Variants in KCNQ5 observed in about 807,000 individuals in gnomAD.
KCNQ5 encodes potassium voltage-gated channel subfamily Q member 5, also known as potassium voltage-gated channel subfamily KQT member 5.
KCNQ5 carries 30 observed loss-of-function variants against 98.2 expected under a neutral mutation model. The observed-to-expected ratio is 0.31, with a 90% CI of 0.23 to 0.41. The LOEUF (loss-of-function observed/expected upper bound fraction) is 0.41. Among genes scored for constraint, KCNQ5 ranks in the 10% least tolerant of loss-of-function variants. KCNQ5 has a pLI of 1.00. For missense variants in KCNQ5, 835 were observed against 1,182.5 expected (o/e 0.71, Z 4.31); for synonymous variants, 458 against 449.4 (o/e 1.02, Z -0.24).
chr6:72,738,587 A>G (rs1770970509), intron 1 of KCNQ5, among the ~76,000 whole-genome samples: 1 of 152,076 alleles, frequency 6.6e-6, no homozygotes, highest in South Asian at 2.1e-4. Context: ...GTTATTTTCC[A>G]TGGTCAATTA....
intron 1 of KCNQ5, among the ~76,000 whole-genome samples, chr6:72,761,331 A>G: frequency 6.6e-6 from 1 of 152,200 alleles, no homozygotes; most frequent in Middle Eastern, 3.4e-3. Flanking sequence ...AAGCAAGAAT[A>G]CAATAGAATT....
chr6:72,892,513 G>A (rs1272208522), intron 1 of KCNQ5, among the ~76,000 whole-genome samples: 1 of 152,184 alleles, frequency 6.6e-6, no homozygotes, highest in Non-Finnish European at 1.5e-5. Context: ...CTCTCTGGCA[G>A]ATTCGGAGAT....
chr6:73,001,521 G>T (rs564172209), intron 1 of KCNQ5, among the ~76,000 whole-genome samples: 2 of 152,226 alleles, frequency 1.3e-5, no homozygotes, highest in East Asian at 3.9e-4. Context: ...AACTGCCATT[G>T]GGATGCTCTT....
At chr6:72,929,040 T>C (rs1765570383) in intron 1 of KCNQ5, among the ~76,000 whole-genome samples, 1 of 152,120 alleles carries the variant, frequency 6.6e-6, no homozygotes. Context: ...TCACTATGAT[T>C]ATATAATTAA....
chr6:73,032,042 T>C (rs891931497), intron 2 of KCNQ5, among the ~76,000 whole-genome samples: 1 of 152,206 alleles, frequency 6.6e-6, no homozygotes, highest in Non-Finnish European at 1.5e-5. Flanking sequence ...GTACTATCTC[T>C]TATCTTGACA....
At chr6:72,880,426 A>G (rs1200191920) in intron 1 of KCNQ5, among the ~76,000 whole-genome samples, 2 of 152,172 alleles carry the variant, frequency 1.3e-5, no homozygotes, top group Non-Finnish European at 2.9e-5. Flanking sequence ...CTTGACCTCC[A>G]TGACATAATT....
At chr6:73,026,337 T>A (rs1449257763) in intron 2 of KCNQ5, among the ~76,000 whole-genome samples, 2 of 152,318 alleles carry the variant, frequency 1.3e-5, no homozygotes, top group East Asian at 3.9e-4. Context: ...TTTTACCCAG[T>A]CTACTTCAGC....
At chr6:72,899,370 CT>C (rs1004299635) in intron 1 of KCNQ5, among the ~76,000 whole-genome samples, 81 of 152,096 alleles carry the variant, frequency 5.3e-4, no homozygotes, top group African/African-American at 1.9e-3. Flanking sequence ...TCAAATATTG[CT>C]GTGCATTGGC....
intron 1 of KCNQ5, among the ~76,000 whole-genome samples, chr6:72,638,855 C>T (rs12189933): frequency 0.17 from 25,556 of 152,146 alleles, 2,472 homozygotes; most frequent in Middle Eastern, 0.25. Flanking sequence ...ACCTGGACTG[C>T]AGTGTCAGCC....
chr6:73,127,593 C>G (rs377170702), intron 9 of KCNQ5, among the ~76,000 whole-genome samples: 22 of 152,256 alleles, frequency 1.4e-4, no homozygotes, highest in African/African-American at 5.3e-4. Context: ...ATTAAGATGT[C>G]GAACACATTT....
rs576969552 is a variant in KCNQ5, at chr6:72,637,055, T to C, written c.398+14468T>C. On this transcript the variant is annotated intron_variant, in intron 1 of 13. Transcript: ENST00000370398. ...CCAACACAGGAGTTCCCACTCATCATAGTAATTTCTAAACAGTAGTAATTA... is the reference window on the plus strand; with the variant it reads ...CCAACACAGGAGTTCCCACTCATCACAGTAATTTCTAAACAGTAGTAATTA... 2.6e-5 allele frequency among the ~76,000 whole-genome samples: 4 copies of C among 152,336 alleles called. No homozygotes were observed. The South Asian group carries it at 6.2e-4, about 24-fold the overall frequency.
At chr6:73,030,126 G>A (rs1370055745) in intron 2 of KCNQ5, among the ~76,000 whole-genome samples, 1 of 152,058 alleles carries the variant, frequency 6.6e-6, no homozygotes, top group Admixed American at 6.5e-5. Context: ...TGATCTAGTT[G>A]TTCAAAGCAG....
intron 1 of KCNQ5, among the ~76,000 whole-genome samples, chr6:72,659,728 C>T (rs1383620805): frequency 6.6e-6 from 1 of 152,200 alleles, no homozygotes; most frequent in Non-Finnish European, 1.5e-5. Flanking sequence ...ACTTAATTAC[C>T]TCCAAAAGGC....
At chr6:73,193,836 C>CTTTTT (rs71540369) in intron 13 of KCNQ5, among the ~76,000 whole-genome samples, 2 of 124,584 alleles carry the variant, frequency 1.6e-5, no homozygotes, top group African/African-American at 3.0e-5. Context: ...AATGGGAAGT[C>CTTTTT]TTTTTTTTTT....
intron 5 of KCNQ5, among the ~76,000 whole-genome samples, chr6:73,104,340 T>C (rs1490830514): frequency 6.6e-6 from 1 of 152,016 alleles, no homozygotes; most frequent in East Asian, 1.9e-4. Context: ...AAGAGAGCAA[T>C]CCCATTTACA....
At chr6:72,866,648 A>T (rs1431703355) in intron 1 of KCNQ5, among the ~76,000 whole-genome samples, 1 of 152,230 alleles carries the variant, frequency 6.6e-6, no homozygotes, top group Non-Finnish European at 1.5e-5. Context: ...ATAGTTAGAC[A>T]CATAGATCTG....
At chr6:72,751,068 A>C (rs9446747) in intron 1 of KCNQ5, among the ~76,000 whole-genome samples, 5,938 of 152,158 alleles carry the variant, frequency 0.039, 369 homozygotes, top group African/African-American at 0.13. Flanking sequence ...GATTTGGCTA[A>C]AGAGAAAAAT....
chr6:73,175,891 GA>G (rs1247294946), intron 11 of KCNQ5, among the ~76,000 whole-genome samples: 2 of 152,176 alleles, frequency 1.3e-5, no homozygotes, highest in East Asian at 1.9e-4. Flanking sequence ...CTAAAAGAAA[GA>G]AAAGAAGAAA....
chr6:72,941,059 T>C (rs191015183), intron 1 of KCNQ5, among the ~76,000 whole-genome samples: 2 of 152,320 alleles, frequency 1.3e-5, no homozygotes, highest in East Asian at 1.9e-4. Context: ...GAAATCCCTG[T>C]TCCATAAGAT....
Sources: gnomAD v4.1 joint callset for allele counts (sites outside exome capture counted in the v4.1 genomes callset) on GRCh38, gnomAD v4.1.1 for gene constraint, MANE v1.5 for transcripts, NCBI Gene and HGNC (gene_info 2026-07-23, HGNC 2026-07-21) for gene names.